EPHB1: variants seen among roughly 807,000 people sequenced by gnomAD.
EPHB1 encodes the protein ephrin type-B receptor 1.
Under a neutral mutation model 94.4 loss-of-function variants are expected in EPHB1, and 30 were observed. The observed-to-expected ratio is 0.32, with a 90% CI of 0.24 to 0.43. The LOEUF (loss-of-function observed/expected upper bound fraction) is 0.43. Among genes scored for constraint, EPHB1 ranks in the 20% least tolerant of loss-of-function variants. EPHB1 has a pLI of 1.00. For missense variants in EPHB1, 1,055 were observed against 1,308.3 expected (o/e 0.81, Z 2.99); for synonymous variants, 522 against 489.1 (o/e 1.07, Z -0.89).
In EPHB1 at chr3:135,150,712, A is replaced by C. The variant is rs559516409; in HGVS notation, c.1298-3440A>C. 2.6e-5 allele frequency among the ~76,000 whole-genome samples: 4 copies of C among 151,878 alleles called. No individual in the cohort carries two copies. In the South Asian group the frequency reaches 8.4e-4, roughly 32 times the overall value. ...TTTTCTCCTCATCTTCTGAATCTTG[A>C]ATTTTTTCTATCTATTGATTCTCTT... On this transcript the variant is annotated intron_variant, in intron 5 of 15. Transcript: ENST00000398015.
At chr3:135,227,743 T>A (rs560532015) in intron 12 of EPHB1, among the ~76,000 whole-genome samples, 4 of 152,288 alleles carry the variant, frequency 2.6e-5, no homozygotes, top group Admixed American at 6.5e-5. Flanking sequence ...ACATTAATTT[T>A]AAAAAAATAA....
intron 1 of EPHB1, among the ~76,000 whole-genome samples, chr3:134,863,630 G>C (rs2037312155): frequency 1.3e-5 from 2 of 152,126 alleles, no homozygotes; most frequent in Admixed American, 6.5e-5. Flanking sequence ...ATTACTTCAG[G>C]GCTCTTGGAG....
At chr3:135,136,604 C>T (rs1276862128) in intron 5 of EPHB1, among the ~76,000 whole-genome samples, 1 of 152,200 alleles carries the variant, frequency 6.6e-6, no homozygotes. Context: ...ACATCATTTG[C>T]ACCTCCCTAG....
At chr3:134,963,635 T>C (rs918307269) in intron 3 of EPHB1, among the ~76,000 whole-genome samples, 1 of 152,302 alleles carries the variant, frequency 6.6e-6, no homozygotes, top group Middle Eastern at 3.4e-3. Flanking sequence ...CATTTTTCCA[T>C]TGAAGATACC....
chr3:135,164,841 A>C (rs1254792261), intron 7 of EPHB1, among the ~76,000 whole-genome samples: 1 of 150,522 alleles, frequency 6.6e-6, no homozygotes, highest in East Asian at 1.9e-4. Context: ...AAGTATTGTC[A>C]TTAGGGTTGC....
intron 6 of EPHB1, among the ~76,000 whole-genome samples, chr3:135,161,391 G>A (rs542386584): frequency 6.6e-6 from 1 of 152,270 alleles, no homozygotes; most frequent in South Asian, 2.1e-4. Context: ...GTAGCTGGGG[G>A]ATGCACTCTC....
chr3:134,874,252 A>G (rs1410145818), intron 1 of EPHB1, among the ~76,000 whole-genome samples: 1 of 152,236 alleles, frequency 6.6e-6, no homozygotes, highest in Non-Finnish European at 1.5e-5. Context: ...CATCCTTAGC[A>G]AACTAACACA....
chr3:134,812,797 C>T (rs577953171), intron 1 of EPHB1, among the ~76,000 whole-genome samples: 3 of 152,346 alleles, frequency 2.0e-5, no homozygotes, highest in Admixed American at 6.5e-5. Context: ...ATTTTAACCA[C>T]CCTGGTGGGT....
chr3:135,178,000 C>T (rs559215862), intron 9 of EPHB1, among the ~76,000 whole-genome samples: 70 of 152,170 alleles, frequency 4.6e-4, no homozygotes, highest in African/African-American at 1.5e-3. Flanking sequence ...TTCCTTTGTC[C>T]AAATTTCAGT....
intron 10 of EPHB1, among the ~76,000 whole-genome samples, chr3:135,191,008 G>A (rs1942441881): frequency 6.6e-6 from 1 of 152,054 alleles, no homozygotes; most frequent in South Asian, 2.1e-4. Context: ...TCAGGAGGCT[G>A]AGGCAAGATG....
chr3:135,126,328 G>A (rs73218222), intron 4 of EPHB1, among the ~76,000 whole-genome samples: 20,605 of 152,040 alleles, frequency 0.14, 1,492 homozygotes, highest in Middle Eastern at 0.21. Flanking sequence ...GTCCTTCCTG[G>A]CTTATTCCCA....
rs1237316538 is a variant in EPHB1 at position 135,132,726 on chromosome 3, G to T, written c.974G>T (p.Gly325Val). 1 of 1,590,550 alleles carries T rather than the reference G, an allele frequency of 6.3e-7. No homozygotes were observed. Among genetic ancestry groups the T allele is most frequent in the Admixed American group, 1.7e-5 (1 of 59,284 alleles). Residue 325 changes from glycine to valine, a missense_variant, in exon 5 of 16, where the codon GGT becomes GTT. Physicochemically the swap from Gly to Val is moderately radical, Grantham distance 109 (BLOSUM62 -3). Coordinates refer to ENST00000398015, the MANE Select transcript of EPHB1 (RefSeq NM_004441.5). The stretch of plus-strand genomic sequence containing the variant: ...TGTCTCCCTGCAGGCGTCCCATCAG[G>T]TCCCCGCAATGTTATCTCCATCGTC... ...PEVACTSVPS[G>V]PRNVISIVNE...
In EPHB1 at chr3:134,899,449, C is replaced by T. The variant is rs576663897; in HGVS notation, c.59-26367C>T. On this transcript the variant is annotated intron_variant, in intron 1 of 15. Coordinates refer to ENST00000398015, the MANE Select transcript of EPHB1 (RefSeq NM_004441.5). ...TGCCTTCGCCCTGCTGTTTCTTCTG[C>T]CTAGAATGACCTTCCATGCTTCTTT... 8.7e-4 allele frequency among the ~76,000 whole-genome samples: 133 copies of T among 152,310 alleles called. 1 individual carries two copies. Among genetic ancestry groups the T allele is most frequent in the Non-Finnish European group, 1.5e-3 (100 of 68,024 alleles).
intron 3 of EPHB1, among the ~76,000 whole-genome samples, chr3:135,105,016 C>T (rs757504682): frequency 2.0e-5 from 3 of 152,308 alleles, no homozygotes; most frequent in East Asian, 1.9e-4. Context: ...GTAACCTCTC[C>T]GTGTCCCAGT....
intron 1 of EPHB1, among the ~76,000 whole-genome samples, chr3:134,904,081 A>C (rs1004354372): frequency 6.6e-6 from 1 of 151,930 alleles, no homozygotes; most frequent in African/African-American, 2.4e-5. Context: ...GGCCTAGGAG[A>C]TCTCCAAGCC....
At chr3:135,247,735 A>G (rs774159385) in intron 13 of EPHB1, among the ~76,000 whole-genome samples, 2 of 152,206 alleles carry the variant, frequency 1.3e-5, no homozygotes, top group Non-Finnish European at 1.5e-5. Context: ...AACCAAGCCC[A>G]TTCATGTTGC....
At chr3:135,078,924 T>C (rs1392957114) in intron 3 of EPHB1, among the ~76,000 whole-genome samples, 1 of 152,084 alleles carries the variant, frequency 6.6e-6, no homozygotes, top group Non-Finnish European at 1.5e-5. Context: ...TTTTCTCTGG[T>C]TTCTATAACT....
chr3:135,092,121 C>A (rs1015943158), intron 3 of EPHB1, among the ~76,000 whole-genome samples: 3 of 152,132 alleles, frequency 2.0e-5, no homozygotes, highest in Non-Finnish European at 2.9e-5. Flanking sequence ...CTGCTCATCC[C>A]CTGCCTGGAG....
intron 11 of EPHB1, among the ~76,000 whole-genome samples, chr3:135,195,009 T>C (rs1278406060): frequency 6.6e-6 from 1 of 152,186 alleles, no homozygotes; most frequent in Non-Finnish European, 1.5e-5. Context: ...GGGACATTCA[T>C]TTATTATCAG....
Sources: allele counts gnomAD v4.1 joint callset (sites outside exome capture counted in the v4.1 genomes callset), GRCh38; gene constraint gnomAD v4.1.1; transcripts MANE v1.5; gene names NCBI Gene and HGNC (gene_info 2026-07-23, HGNC 2026-07-21).